Variants in CCDC178 observed in about 807,000 individuals in gnomAD.
CCDC178 encodes the protein coiled-coil domain-containing protein 178.
A neutral mutation model predicts 117.4 loss-of-function variants in CCDC178; 126 were observed. The observed-to-expected ratio is 1.07, with a 90% CI of 0.93 to 1.24. The LOEUF (loss-of-function observed/expected upper bound fraction) is 1.24. Among genes scored for constraint, CCDC178 ranks in the 50% most tolerant of loss-of-function variants. CCDC178 has a pLI of 0.00. For synonymous variants in CCDC178, 283 were observed against 313.4 expected (o/e 0.90, Z 1.02); for missense variants, 1,030 against 986.9 (o/e 1.04, Z -0.59).
chr18:33,011,626 C>T (rs1299559965), intron 21 of CCDC178, among the ~76,000 whole-genome samples: 6 of 151,666 alleles, frequency 4.0e-5, no homozygotes, highest in African/African-American at 1.2e-4. Context: ...CTTTAATAAG[C>T]GACTAAAGTT....
intron 21 of CCDC178, among the ~76,000 whole-genome samples, chr18:33,080,003 T>C (rs187582726): frequency 1.3e-5 from 2 of 152,294 alleles, no homozygotes; most frequent in East Asian, 1.9e-4. Flanking sequence ...CTCTTCACAA[T>C]AGCAAAGACA....
intron 20 of CCDC178, among the ~76,000 whole-genome samples, chr18:33,133,371 A>G (rs897740048): frequency 1.1e-4 from 17 of 151,888 alleles, no homozygotes; most frequent in Non-Finnish European, 1.5e-5. Flanking sequence ...AGCCAGGTTT[A>G]AGAGAAAATA....
chr18:33,182,742 TA>T, intron 20 of CCDC178, among the ~76,000 whole-genome samples: 1 of 152,118 alleles, frequency 6.6e-6, no homozygotes, highest in South Asian at 2.1e-4. Context: ...AGTGTAACTC[TA>T]AAATCATTTA....
intron 20 of CCDC178, among the ~76,000 whole-genome samples, chr18:33,106,846 G>C (rs1456126079): frequency 6.6e-6 from 1 of 151,676 alleles, no homozygotes; most frequent in South Asian, 2.1e-4. Flanking sequence ...TATGGGAATT[G>C]AGATCCGTCA....
intron 2 of CCDC178, among the ~76,000 whole-genome samples, chr18:33,434,266 C>T (rs2064259984): frequency 6.6e-6 from 1 of 152,002 alleles, no homozygotes; most frequent in African/African-American, 2.4e-5. Context: ...AAATGTGTAG[C>T]CATCTGGAGA....
intron 15 of CCDC178, among the ~76,000 whole-genome samples, chr18:33,230,252 G>A (rs2059354132): frequency 6.6e-6 from 1 of 151,780 alleles, no homozygotes; most frequent in Non-Finnish European, 1.5e-5. Context: ...GAGGCTGTGT[G>A]TGTGTGTGTG....
chr18:33,116,425 A>T (rs2057856629), intron 20 of CCDC178, among the ~76,000 whole-genome samples: 1 of 152,298 alleles, frequency 6.6e-6, no homozygotes, highest in African/African-American at 2.4e-5. Context: ...AAATCACTAC[A>T]AAGTAAGCAG....
At chr18:33,399,223 T>C (rs1197407734) in intron 3 of CCDC178, among the ~76,000 whole-genome samples, 3 of 150,000 alleles carry the variant, frequency 2.0e-5, no homozygotes, top group African/African-American at 7.4e-5. Context: ...AAGTTAATGG[T>C]CATGTGAGCC....
chr18:33,168,436 G>A (rs913568843), intron 20 of CCDC178, among the ~76,000 whole-genome samples: 6 of 152,030 alleles, frequency 3.9e-5, no homozygotes, highest in Non-Finnish European at 5.9e-5. Flanking sequence ...CTGTTCCATT[G>A]GTTTATGTGT....
At chr18:33,274,027 AT>A (rs1343967378) in intron 12 of CCDC178, among the ~76,000 whole-genome samples, 1 of 151,844 alleles carries the variant, frequency 6.6e-6, no homozygotes, top group East Asian at 1.9e-4. Context: ...TACAGAAAGA[AT>A]ACTTACAACT....
intron 21 of CCDC178, among the ~76,000 whole-genome samples, chr18:32,997,750 A>G (rs1370041601): frequency 6.6e-6 from 1 of 151,812 alleles, no homozygotes; most frequent in Non-Finnish European, 1.5e-5. Flanking sequence ...ATGTTTTTTT[A>G]TTGGCTCTGC....
chr18:33,013,634 T>C (rs2055919707), intron 21 of CCDC178, among the ~76,000 whole-genome samples: 2 of 152,210 alleles, frequency 1.3e-5, no homozygotes, highest in African/African-American at 4.8e-5. Context: ...AACTAAAAAA[T>C]GATGTCATTT....
chr18:33,134,447 T>G (rs1435342303), intron 20 of CCDC178, among the ~76,000 whole-genome samples: 1 of 152,056 alleles, frequency 6.6e-6, no homozygotes, highest in East Asian at 1.9e-4. Context: ...TTTGAGAAAT[T>G]TCATAATAAT....
At chr18:33,227,537 T>C (rs1296385225) in intron 15 of CCDC178, among the ~76,000 whole-genome samples, 79 of 52,924 alleles carry the variant, frequency 1.5e-3, no homozygotes, top group South Asian at 7.8e-3. Context: ...TATGTATGTG[T>C]GTGTGTGTGT....
chr18:33,236,410 T>A (rs1478233580), intron 15 of CCDC178, among the ~76,000 whole-genome samples: 1 of 152,134 alleles, frequency 6.6e-6, no homozygotes, highest in African/African-American at 2.4e-5. Context: ...GAAGCAGATA[T>A]GCATGTGTAT....
intron 5 of CCDC178, among the ~76,000 whole-genome samples, chr18:33,384,570 AAG>A (rs1442059847): frequency 6.6e-6 from 1 of 152,194 alleles, no homozygotes; most frequent in Non-Finnish European, 1.5e-5. Flanking sequence ...AACATTCTGA[AAG>A]AGAAGAAATT....
At chr18:33,015,293 A>G (rs948120333) in intron 21 of CCDC178, among the ~76,000 whole-genome samples, 10 of 150,940 alleles carry the variant, frequency 6.6e-5, no homozygotes, top group African/African-American at 2.2e-4. Context: ...AAAGAAAAAG[A>G]AAGTCTCACG....
chr18:33,217,629 T>G (rs2144608042), intron 18 of CCDC178, among the ~76,000 whole-genome samples: 1 of 152,164 alleles, frequency 6.6e-6, no homozygotes, highest in East Asian at 1.9e-4. Context: ...TGGTCATGTA[T>G]AAATAAATGG....
chr18:33,439,708 T>G (rs1251105547), intron 2 of CCDC178, among the ~76,000 whole-genome samples: 1 of 152,144 alleles, frequency 6.6e-6, no homozygotes, highest in African/African-American at 2.4e-5. Flanking sequence ...AGGAGGGAGA[T>G]GTCAAGAATG....
Sources: gnomAD v4.1 joint callset for allele counts (sites outside exome capture counted in the v4.1 genomes callset) on GRCh38, gnomAD v4.1.1 for gene constraint, MANE v1.5 for transcripts, NCBI Gene and HGNC (gene_info 2026-07-23, HGNC 2026-07-21) for gene names.